DUSP13A: variants seen among roughly 807,000 people sequenced by gnomAD.
The protein encoded by DUSP13A is dual specificity phosphatase 13A, also known as dual specificity protein phosphatase 13A.
chr10:75,105,927 G>A, the DUSP13A span: 3 of 1,496,390 alleles, frequency 2.0e-6, no homozygotes, highest in Non-Finnish European at 9.1e-7. Context: ...CCACGGGCTG[G>A]GATGGGGACC....
the DUSP13A span, among the ~76,000 whole-genome samples, chr10:75,106,096 CT>C: frequency 9.2e-6 from 1 of 109,026 alleles, no homozygotes; most frequent in African/African-American, 3.9e-5. Context: ...TCTTTTCTTT[CT>C]TTTCTTTTTT....
chr10:75,107,525 C>T, the DUSP13A span, among the ~76,000 whole-genome samples: 1 of 152,224 alleles, frequency 6.6e-6, no homozygotes, highest in Admixed American at 6.5e-5. Flanking sequence ...CCTCAGTTTC[C>T]CCATCTGGGA....
chr10:75,108,747 G>T, the DUSP13A span, among the ~76,000 whole-genome samples: 2 of 152,084 alleles, frequency 1.3e-5, no homozygotes, highest in South Asian at 4.1e-4. Context: ...CTCTACACTT[G>T]ACAGTTGTCC....
At chr10:75,108,163 G>A in the DUSP13A span, 1 of 1,612,520 alleles carries the variant, frequency 6.2e-7, no homozygotes. Flanking sequence ...TTCAGCACGT[G>A]GGTGATGCCC....
chr10:75,107,133 C>T, the DUSP13A span, among the ~76,000 whole-genome samples: 1 of 152,116 alleles, frequency 6.6e-6, no homozygotes, highest in African/African-American at 2.4e-5. Context: ...GTTAGGAGTT[C>T]GAGACCAGCC....
the DUSP13A span, among the ~76,000 whole-genome samples, chr10:75,107,060 G>T: frequency 2.0e-5 from 3 of 152,144 alleles, no homozygotes; most frequent in Non-Finnish European, 4.4e-5. Context: ...TGGGGGCCGG[G>T]TGCGGTGGCT....
the DUSP13A span, chr10:75,105,742 A>T: frequency 2.6e-6 from 4 of 1,554,174 alleles, no homozygotes; most frequent in Non-Finnish European, 3.5e-6. Flanking sequence ...GTTGGGGAAG[A>T]CCCATCGGTG....
chr10:75,106,510 T>A, the DUSP13A span, among the ~76,000 whole-genome samples: 1 of 152,208 alleles, frequency 6.6e-6, no homozygotes, highest in Non-Finnish European at 1.5e-5. Flanking sequence ...AAAGTATTGC[T>A]TGAATCACAA....
At chr10:75,106,197 C>G in the DUSP13A span, among the ~76,000 whole-genome samples, 1 of 150,990 alleles carries the variant, frequency 6.6e-6, no homozygotes, top group Non-Finnish European at 1.5e-5. Flanking sequence ...CCACCTTGGC[C>G]TCCCAAAGTG....
chr10:75,107,542 C>T, the DUSP13A span, among the ~76,000 whole-genome samples: 4 of 152,046 alleles, frequency 2.6e-5, no homozygotes, highest in East Asian at 3.9e-4. Flanking sequence ...GGGAAGGAAT[C>T]GGGTTCGACA....
the DUSP13A span, chr10:75,108,889 C>G: frequency 1.7e-4 from 225 of 1,339,440 alleles, no homozygotes; most frequent in Non-Finnish European, 2.2e-4. Context: ...AGGTCCCTGG[C>G]CTGGGATGGT....
chr10:75,107,810 C>T, the DUSP13A span, among the ~76,000 whole-genome samples: 2 of 152,292 alleles, frequency 1.3e-5, no homozygotes, highest in Admixed American at 6.5e-5. Context: ...CTCCTGACCT[C>T]AGGCGATCCA....
At chr10:75,106,732 T>A in the DUSP13A span, among the ~76,000 whole-genome samples, 1 of 152,258 alleles carries the variant, frequency 6.6e-6, no homozygotes, top group Non-Finnish European at 1.5e-5. Context: ...TCTTAAAGTC[T>A]GGATTCCCAG....
the DUSP13A span, chr10:75,105,821 G>A: frequency 6.4e-7 from 1 of 1,550,824 alleles, no homozygotes; most frequent in Non-Finnish European, 8.7e-7. Context: ...GCCAGGACCA[G>A]CGTGGCAGAG....
the DUSP13A span, chr10:75,108,890 C>A: frequency 7.4e-7 from 1 of 1,348,688 alleles, no homozygotes; most frequent in Non-Finnish European, 9.8e-7. Context: ...GGTCCCTGGC[C>A]TGGGATGGTC....
the DUSP13A span, chr10:75,108,036 G>C: frequency 6.2e-7 from 1 of 1,613,848 alleles, no homozygotes; most frequent in Admixed American, 1.7e-5. Context: ...AGCCGCAGAG[G>C]AGAAGTAGGC....
the DUSP13A span, among the ~76,000 whole-genome samples, chr10:75,106,886 G>C: frequency 6.6e-6 from 1 of 152,210 alleles, no homozygotes; most frequent in African/African-American, 2.4e-5. Context: ...ACATAGATGA[G>C]GAAACTGAAG....
At chr10:75,105,989 T>A in the DUSP13A span, 1 of 886,272 alleles carries the variant, frequency 1.1e-6, no homozygotes, top group Non-Finnish European at 1.8e-6. Flanking sequence ...CCTGAGCAAG[T>A]CACTCAGCCT....
chr10:75,107,957 C>T, the DUSP13A span: 1 of 1,580,512 alleles, frequency 6.3e-7, no homozygotes, highest in Non-Finnish European at 8.6e-7. Flanking sequence ...CATGAATGAG[C>T]AAGATGGGAT....
Sources: gnomAD v4.1 joint callset for allele counts (sites outside exome capture counted in the v4.1 genomes callset) on GRCh38, gnomAD v4.1.1 for gene constraint, MANE v1.5 for transcripts, NCBI Gene and HGNC (gene_info 2026-07-23, HGNC 2026-07-21) for gene names.